The following DROSHA variants were observed in gnomAD, a reference collection of about 807,000 sequenced individuals.
DROSHA encodes the protein drosha ribonuclease III, also known as ribonuclease 3.
In DROSHA, 56 loss-of-function variants were observed where a neutral mutation model predicts 181.9. That is an observed-to-expected ratio of 0.31 (90% CI 0.25 to 0.38). DROSHA has a LOEUF of 0.38. DROSHA is among the 10% of genes least tolerant of loss of function. The pLI is 1.00. For missense variants in DROSHA, 1,218 were observed against 1,743.5 expected, an observed-to-expected ratio of 0.70 and a Z score of 5.37; for synonymous variants, 524 against 591.2, an observed-to-expected ratio of 0.89 and a Z score of 1.65.
chr5:31,424,581 CCA>C (rs1401162536), intron 27 of DROSHA, 110 bp from the exon 28 acceptor site: 1 of 1,317,944 alleles, frequency 7.6e-7, no homozygotes, highest in Non-Finnish European at 1.0e-6. Context: ...GACACTGACT[CCA>C]CTTATGGCAA....
chr5:31,478,241 A>G (rs976363373), intron 16 of DROSHA, among the ~76,000 whole-genome samples: 9 of 152,238 alleles, frequency 5.9e-5, no homozygotes, highest in East Asian at 3.8e-4. Context: ...CCTGGGCCAC[A>G]GTGGAAGAAT....
chr5:31,476,155 A>C (rs1392162242), intron 16 of DROSHA, among the ~76,000 whole-genome samples: 1 of 152,214 alleles, frequency 6.6e-6, no homozygotes, highest in African/African-American at 2.4e-5. Context: ...ACCTGAGGTC[A>C]GGAGTTCGAG....
At chr5:31,507,098 T>G (rs1738061929) in intron 10 of DROSHA, among the ~76,000 whole-genome samples, 1 of 151,970 alleles carries the variant, frequency 6.6e-6, no homozygotes, top group Non-Finnish European at 1.5e-5. Context: ...GAGGACTGCT[T>G]GAGCCTAGGA....
Position 31,468,080 on chromosome 5 carries a change from A to G in DROSHA, c.2242-17T>C. On this transcript the variant is annotated splice_polypyrimidine_tract_variant and intron_variant, in intron 17 of 35. Coordinates refer to ENST00000344624, the MANE Select transcript of DROSHA (RefSeq NM_001382508.1). ...GCTTGGTTTCTAGAGAGAAAAATCA[A>G]AGCCATTTATTCCCATAAGAAGTCT... is the stretch of plus-strand genomic sequence containing the variant. 1 of 1,604,666 alleles carries G rather than the reference A, an allele frequency of 6.2e-7. No individual in the cohort carries two copies. The highest frequency in any genetic ancestry group is 8.5e-7 in the Non-Finnish European group (1 of 1,174,878).
chr5:31,500,355 A>G (rs1720941697), intron 11 of DROSHA, among the ~76,000 whole-genome samples: 1 of 152,216 alleles, frequency 6.6e-6, no homozygotes, highest in South Asian at 2.1e-4. Context: ...CCAGAACATA[A>G]AATTGTTTAG....
At chr5:31,402,157 T>C (rs1034533330) in intron 35 of DROSHA, among the ~76,000 whole-genome samples, 9 of 152,216 alleles carry the variant, frequency 5.9e-5, no homozygotes, top group African/African-American at 2.2e-4. Context: ...GTAGAAAACT[T>C]ATTGGGTTAA....
At chr5:31,455,375 GCATATA>G (rs1405965159) in intron 20 of DROSHA, among the ~76,000 whole-genome samples, 17 of 151,956 alleles carry the variant, frequency 1.1e-4, no homozygotes, top group African/African-American at 4.1e-4. Context: ...AATACAAGAT[GCATATA>G]AGTGGAGTAC....
chr5:31,509,442 C>G (rs1205328968), intron 9 of DROSHA, among the ~76,000 whole-genome samples: 2 of 152,102 alleles, frequency 1.3e-5, no homozygotes, highest in African/African-American at 2.4e-5. Context: ...TCCAGAAAGG[C>G]TGGTGATAAT....
rs550875254 is a variant in DROSHA, at chr5:31,454,036, C to T, written c.2575-2396G>A. On this transcript the variant is annotated intron_variant, in intron 20 of 35. Transcript: ENST00000344624. ...ACATAAAAACTAAATGACAAGGCACCCTCTTGAGTCCCTAAATAAGAGTGT... is the reference window on the plus strand; with the variant it reads ...ACATAAAAACTAAATGACAAGGCACTCTCTTGAGTCCCTAAATAAGAGTGT... 5.3e-5 allele frequency among the ~76,000 whole-genome samples: 8 copies of T among 152,000 alleles called. No homozygotes were observed. The East Asian group carries it at 1.4e-3, about 26-fold the overall frequency.
intron 16 of DROSHA, among the ~76,000 whole-genome samples, chr5:31,474,248 T>A (rs921445394): frequency 3.3e-5 from 5 of 152,246 alleles, no homozygotes; most frequent in African/African-American, 2.4e-5. Context: ...GACTTTTTTT[T>A]ATGCCTCATT....
intron 13 of DROSHA, among the ~76,000 whole-genome samples, chr5:31,489,963 C>T (rs1752209503): frequency 6.6e-6 from 1 of 152,066 alleles, no homozygotes; most frequent in African/African-American, 2.4e-5. Context: ...ACTGCAAACT[C>T]CGCCTCTTGG....
chr5:31,411,521 G>C lies in DROSHA; in HGVS notation c.3526-634C>G, dbSNP rs76433256. Among the ~76,000 whole-genome samples, 37 of 151,616 alleles carry C rather than the reference G, an allele frequency of 2.4e-4. No homozygotes were observed. In the East Asian group the frequency reaches 7.0e-3, roughly 28 times the overall value. On this transcript the variant is annotated intron_variant, in intron 30 of 35. Coordinates refer to ENST00000344624, the MANE Select transcript of DROSHA (RefSeq NM_001382508.1). This position sits in a 1 kb window ranked among gnomAD's most constrained non-coding sequence, Gnocchi z 4.2. ...TTTTGATATTATAGGACTTAAGTGA[G>C]GTTTAAGTAAATACTATGAAAAGAT...
At chr5:31,431,366 CAAAAAA>C (rs58316191) in intron 26 of DROSHA, among the ~76,000 whole-genome samples, 1 of 57,648 alleles carries the variant, frequency 1.7e-5, no homozygotes, top group Non-Finnish European at 3.2e-5. Flanking sequence ...CAGTAGAATG[CAAAAAA>C]AAAAAAAAAA....
At position 31,411,754 on chromosome 5, in the gene DROSHA, G is replaced by A. The variant is rs1276610820; in HGVS notation, c.3526-867C>T. ...CTATCCTCCCACCTCAGCCTCCCGA[G>A]TAGCTGTGACTATAGGCACCTGCCA... On this transcript the variant is annotated intron_variant, in intron 30 of 35. Transcript: ENST00000344624. The surrounding 1 kb of genome is among the most constrained non-coding windows in gnomAD (Gnocchi z 4.2). 2.0e-5 allele frequency among the ~76,000 whole-genome samples: 3 copies of A among 152,018 alleles called. No homozygotes were observed. In the East Asian group the frequency reaches 5.8e-4, roughly 29 times the overall value.
In DROSHA at chr5:31,441,046, A is replaced by C. The variant is rs1745527488; in HGVS notation, c.2883-3748T>G. Among the ~76,000 whole-genome samples, 3 of 152,120 alleles carry C rather than the reference A, an allele frequency of 2.0e-5. No individual in the cohort carries two copies. In the South Asian group the frequency reaches 6.2e-4, roughly 32 times the overall value. On this transcript the variant is annotated intron_variant, in intron 23 of 35. Transcript: ENST00000344624. The stretch of plus-strand genomic sequence containing the variant: ...CAACTGTAATAGCCAATAATGGGAA[A>C]TGAAAAAAAGAGAGAGAGAAAGAGA...
At chr5:31,497,936 G>A (rs993531727) in intron 11 of DROSHA, among the ~76,000 whole-genome samples, 1 of 152,206 alleles carries the variant, frequency 6.6e-6, no homozygotes, top group African/African-American at 2.4e-5. Flanking sequence ...GGACTTAGAT[G>A]ACCAAGTCAC....
chr5:31,404,808 T>TA (rs58366370), intron 35 of DROSHA, among the ~76,000 whole-genome samples: 64 of 151,194 alleles, frequency 4.2e-4, no homozygotes, highest in African/African-American at 1.4e-3. Flanking sequence ...GATAATGATT[T>TA]AAAAAAAAAT....
chr5:31,439,609 G>A (rs1160897978), intron 23 of DROSHA, among the ~76,000 whole-genome samples: 1 of 152,124 alleles, frequency 6.6e-6, no homozygotes, highest in Non-Finnish European at 1.5e-5. Flanking sequence ...ATCTCTTACT[G>A]TGTGTAACTT....
In DROSHA at chr5:31,406,922, G is replaced by C; in HGVS notation, c.3878C>G (p.Ser1293Cys). ...AGCCACAGTGTAGGTTCGGGCATGG[G>C]ATGGGCCCACTGTCTGCAGAGTCCT... Reference protein sequence around the residue: ...LYKTLQTVGPSHARTYTVAVY... With the variant: ...LYKTLQTVGPCHARTYTVAVY... The change falls in exon 34 of 36, where the codon TCC becomes TGC. Residue 1293 changes from serine to cysteine, a missense_variant. By Grantham distance (112) the Ser-to-Cys change is moderately radical. Transcript: ENST00000344624. The C allele has an allele frequency of 6.2e-7, 1 of 1,613,712 alleles. No individual in the cohort carries two copies. The highest frequency in any genetic ancestry group is 8.5e-7 in the Non-Finnish European group (1 of 1,179,734).
Sources: allele counts gnomAD v4.1 joint callset (sites outside exome capture counted in the v4.1 genomes callset), GRCh38; gene constraint gnomAD v4.1.1; non-coding constraint Gnocchi (gnomAD v3.1); transcripts MANE v1.5; gene names NCBI Gene and HGNC (gene_info 2026-07-23, HGNC 2026-07-21).